The following CYRIA variants were observed in gnomAD, a reference collection of about 807,000 sequenced individuals.
The protein encoded by CYRIA is CYFIP related Rac1 interactor A, also known as CYFIP-related Rac1 interactor A.
A neutral mutation model predicts 43.9 loss-of-function variants in CYRIA; 15 were observed. The observed-to-expected ratio is 0.34, with a 90% confidence interval of 0.23 to 0.53. The LOEUF is 0.53. Among genes scored for constraint, CYRIA ranks in the 20% least tolerant of loss-of-function variants. The pLI, the probability that CYRIA is intolerant of heterozygous loss-of-function variation, is 0.94. For synonymous variants in CYRIA, 117 were observed against 136.0 expected (o/e 0.86, Z 0.97); for missense variants, 236 against 394.2 (o/e 0.60, Z 3.40).
intron 1 of CYRIA, among the ~76,000 whole-genome samples, chr2:16,633,857 C>T (rs1669411740): frequency 6.6e-6 from 1 of 152,146 alleles, no homozygotes; most frequent in South Asian, 2.1e-4. Flanking sequence ...AGTCCAAATG[C>T]CCTACCATGC....
chr2:16,636,873 G>C (rs957232180), intron 1 of CYRIA, among the ~76,000 whole-genome samples: 4 of 152,208 alleles, frequency 2.6e-5, no homozygotes, highest in Non-Finnish European at 4.4e-5. Flanking sequence ...CTACTAGGAA[G>C]GCTGAGGTGG....
In CYRIA at chr2:16,550,116, C is replaced by T. The variant is rs1264619828; in HGVS notation, c.*2820G>A. 9 of 151,478 alleles carry T rather than the reference C, an allele frequency of 5.9e-5. No individual in the cohort carries two copies. Among genetic ancestry groups the T allele is most frequent in the Non-Finnish European group, 1.0e-4 (7 of 67,882 alleles). 9.4% of individuals were successfully genotyped at this position (151,478 alleles called of 1,614,324 possible). A position where few individuals can be genotyped will look rare whatever the true frequency, so the allele number is the denominator to read the frequency against. ...GAGAAACATAATTTTTACCTCGTTG[C>T]TTTCCCAAAAATAAATATCTCAGTC... On this transcript the variant is annotated 3_prime_UTR_variant, in exon 12 of 12. Coordinates refer to ENST00000381323, the MANE Select transcript of CYRIA (RefSeq NM_030797.4).
intron 1 of CYRIA, among the ~76,000 whole-genome samples, chr2:16,657,810 A>G (rs1291518362): frequency 6.6e-6 from 1 of 152,206 alleles, no homozygotes; most frequent in Non-Finnish European, 1.5e-5. Flanking sequence ...GGTCTGGGAC[A>G]CTTATCTTTC....
At chr2:16,565,827 G>A in intron 3 of CYRIA, 60 bp from the exon 4 acceptor site, 1 of 1,445,420 alleles carries the variant, frequency 6.9e-7, no homozygotes, top group Non-Finnish European at 9.3e-7. Flanking sequence ...TTGGGAGGAG[G>A]ATGGATATTC....
At position 16,597,180 on chromosome 2, in the gene CYRIA, T is replaced by C. The variant is rs1167293037; in HGVS notation, c.-10-9051A>G. ...GTGGTCAATTTTGGAATAGGTGTGG[T>C]GTGGTGCTGAAAAAAATGTATATTC... is the stretch of plus-strand genomic sequence containing the variant. On this transcript the variant is annotated intron_variant, in intron 2 of 11. Transcript: ENST00000381323. Among the ~76,000 whole-genome samples the C allele has an allele frequency of 7.0e-4, 72 of 102,826 alleles. 3 individuals are homozygous for C. The highest frequency in any genetic ancestry group is 1.1e-3 in the Admixed American group (12 of 10,518). 67.5% of individuals were successfully genotyped at this position (102,826 alleles called of 152,430 possible).
chr2:16,567,810 G>A (rs1355673333), intron 3 of CYRIA, among the ~76,000 whole-genome samples: 1 of 152,206 alleles, frequency 6.6e-6, no homozygotes, highest in Non-Finnish European at 1.5e-5. Context: ...GTACTGGAAT[G>A]TCTGTACACA....
intron 1 of CYRIA, among the ~76,000 whole-genome samples, chr2:16,641,293 C>T (rs1256720711): frequency 1.3e-5 from 2 of 152,176 alleles, no homozygotes; most frequent in African/African-American, 4.8e-5. Context: ...ATCCTAGCCT[C>T]ATTCTCCGCT....
At chr2:16,660,372 C>A (rs1234492502) in intron 1 of CYRIA, among the ~76,000 whole-genome samples, 4 of 152,160 alleles carry the variant, frequency 2.6e-5, no homozygotes, top group African/African-American at 9.7e-5. Context: ...TATGCAACAT[C>A]AGGTGTAATT....
chr2:16,629,757 C>A (rs1362236032), intron 1 of CYRIA, among the ~76,000 whole-genome samples: 1 of 152,110 alleles, frequency 6.6e-6, no homozygotes, highest in African/African-American at 2.4e-5. Flanking sequence ...GACCTTTTTG[C>A]AAATTAGGCC....
intron 2 of CYRIA, among the ~76,000 whole-genome samples, chr2:16,606,346 T>A (rs1310859992): frequency 6.6e-6 from 1 of 151,904 alleles, no homozygotes; most frequent in East Asian, 1.9e-4. Flanking sequence ...GATCCATTCC[T>A]CTTCCCGATG....
chr2:16,649,807 C>T (rs538025643), intron 1 of CYRIA, among the ~76,000 whole-genome samples: 12 of 152,240 alleles, frequency 7.9e-5, no homozygotes, highest in South Asian at 2.1e-4. Context: ...GTACAGAGCA[C>T]GGTTGTACAG....
intron 1 of CYRIA, among the ~76,000 whole-genome samples, chr2:16,627,300 G>A (rs1286584646): frequency 6.6e-6 from 1 of 152,246 alleles, no homozygotes; most frequent in African/African-American, 2.4e-5. Flanking sequence ...AAAGCCCAGG[G>A]TGGGGCATGC....
intron 2 of CYRIA, among the ~76,000 whole-genome samples, chr2:16,607,710 C>A (rs927958338): frequency 3.3e-5 from 5 of 152,132 alleles, no homozygotes; most frequent in Non-Finnish European, 7.3e-5. Context: ...GATTCTCCTG[C>A]CTTAGCCTCC....
Position 16,562,091 on chromosome 2 carries a change from G to T in CYRIA, c.349C>A (p.Pro117Thr). 6.2e-7 allele frequency: 1 copy of T among 1,613,496 alleles called. No homozygotes were observed. Among genetic ancestry groups the T allele is most frequent in the Non-Finnish European group, 8.5e-7 (1 of 1,179,580 alleles). Residue 117 changes from proline (P) to threonine (T), a missense_variant, in exon 6 of 12, where the codon CCA becomes ACA. Coordinates refer to ENST00000381323, the MANE Select transcript of CYRIA (RefSeq NM_030797.4). ...LESLTCPPYT[P>T]TQHLEREQAL... is the part of the protein sequence containing the mutation. ...TGTTCCCTTTCCAGGTGTTGGGTTG[G>T]TGTGTAGGGTGGACAAGTCAGAGAT...
intron 10 of CYRIA, among the ~76,000 whole-genome samples, chr2:16,556,517 C>T (rs1296594675): frequency 1.3e-5 from 2 of 152,116 alleles, no homozygotes; most frequent in East Asian, 3.9e-4. Context: ...GTTTGGGAAT[C>T]CGGAGTTCCA....
At chr2:16,563,960 G>A in intron 5 of CYRIA, 29 bp downstream of exon 5, 1 of 1,518,824 alleles carries the variant, frequency 6.6e-7, no homozygotes, top group Non-Finnish European at 9.1e-7. Flanking sequence ...TCCGTATGTG[G>A]GCCATGAAAA....
In CYRIA at chr2:16,561,449, G is replaced by A. The variant is rs1666729403; in HGVS notation, c.513+7C>T. 1 of 1,613,118 alleles carries A rather than the reference G, an allele frequency of 6.2e-7. No individual in the cohort carries two copies. Among genetic ancestry groups the A allele is most frequent in the Admixed American group, 1.7e-5 (1 of 59,968 alleles). On this transcript the variant is annotated splice_region_variant and intron_variant, in intron 7 of 11. Coordinates refer to ENST00000381323, the MANE Select transcript of CYRIA (RefSeq NM_030797.4). Reference sequence around the variant, plus strand: ...GGTGCAAAGGTCAAGGCGACCCAGGGACTCACGTGCATGTTGTTGATGCGG... The same window carrying A: ...GGTGCAAAGGTCAAGGCGACCCAGGAACTCACGTGCATGTTGTTGATGCGG...
chr2:16,588,998 T>C (rs1053872693), intron 2 of CYRIA, among the ~76,000 whole-genome samples: 1 of 152,150 alleles, frequency 6.6e-6, no homozygotes, highest in African/African-American at 2.4e-5. Context: ...CTTTTTTTAA[T>C]AAACAGAAAA....
chr2:16,654,080 G>C (rs1670040266), intron 1 of CYRIA, among the ~76,000 whole-genome samples: 1 of 152,148 alleles, frequency 6.6e-6, no homozygotes, highest in Admixed American at 6.5e-5. Context: ...CTGTGAGGTG[G>C]GAGCTGGTGG....
Sources: gnomAD v4.1 joint callset for allele counts (sites outside exome capture counted in the v4.1 genomes callset) on GRCh38, gnomAD v4.1.1 for gene constraint, MANE v1.5 for transcripts, NCBI Gene and HGNC (gene_info 2026-07-23, HGNC 2026-07-21) for gene names.